NRG1: variants seen among roughly 807,000 people sequenced by gnomAD.
NRG1 encodes the protein neuregulin 1.
A neutral mutation model predicts 63.8 loss-of-function variants in NRG1; 18 were observed. That is an observed-to-expected ratio of 0.28 (90% CI 0.19 to 0.42). The LOEUF (loss-of-function observed/expected upper bound fraction) is 0.42. NRG1 is among the 10% of genes least tolerant of loss of function. The pLI, the probability that NRG1 is intolerant of heterozygous loss-of-function variation, is 1.00. For synonymous variants in NRG1, 302 were observed against 301.3 expected (o/e 1.00, Z -0.02); for missense variants, 762 against 814.7 (o/e 0.94, Z 0.79).
intron 1 of NRG1, among the ~76,000 whole-genome samples, chr8:32,380,709 A>G (rs1810242383): frequency 6.6e-6 from 1 of 152,200 alleles, no homozygotes; most frequent in South Asian, 2.1e-4. Context: ...CTCAATCAGT[A>G]TGCCCTATTG....
intron 1 of NRG1, among the ~76,000 whole-genome samples, chr8:31,880,655 A>G (rs950490719): frequency 2.0e-5 from 3 of 152,228 alleles, no homozygotes; most frequent in Non-Finnish European, 4.4e-5. Flanking sequence ...AACGTCATCC[A>G]CACAAAGTTA....
intron 5 of NRG1, among the ~76,000 whole-genome samples, chr8:32,671,910 A>G (rs1805742575): frequency 6.6e-6 from 1 of 152,184 alleles, no homozygotes; most frequent in Admixed American, 6.5e-5. Flanking sequence ...TTTTTGTGTT[A>G]CTTTTCCAAA....
intron 1 of NRG1, among the ~76,000 whole-genome samples, chr8:32,151,148 G>A (rs1011847358): frequency 5.9e-5 from 9 of 152,062 alleles, no homozygotes; most frequent in South Asian, 4.1e-4. Context: ...GAGGGGCACC[G>A]GATTCATGTA....
At chr8:32,671,898 C>T (rs1473307679) in intron 5 of NRG1, among the ~76,000 whole-genome samples, 2 of 152,100 alleles carry the variant, frequency 1.3e-5, no homozygotes, top group African/African-American at 4.8e-5. Context: ...AAAAAGTCTT[C>T]ATTTTTGTGT....
chr8:31,919,657 T>G (rs1028103967), intron 1 of NRG1, among the ~76,000 whole-genome samples: 2 of 152,098 alleles, frequency 1.3e-5, no homozygotes, highest in Non-Finnish European at 2.9e-5. Flanking sequence ...ATTCAACACA[T>G]CAGTTCACAA....
chr8:32,418,325 A>C (rs1816217340), intron 1 of NRG1, among the ~76,000 whole-genome samples: 1 of 151,890 alleles, frequency 6.6e-6, no homozygotes, highest in Non-Finnish European at 1.5e-5. Flanking sequence ...GTTAATTTTA[A>C]TAATATATTA....
At chr8:31,910,755 C>T (rs770854155) in intron 1 of NRG1, among the ~76,000 whole-genome samples, 22 of 151,832 alleles carry the variant, frequency 1.4e-4, no homozygotes, top group Non-Finnish European at 2.6e-4. Context: ...TTGAGAAATT[C>T]GAATTTTTAA....
intron 1 of NRG1, among the ~76,000 whole-genome samples, chr8:32,365,831 T>G (rs945631100): frequency 3.3e-5 from 5 of 152,216 alleles, no homozygotes; most frequent in Non-Finnish European, 7.3e-5. Flanking sequence ...TACTTAATTA[T>G]TCTAACAAAA....
intron 1 of NRG1, among the ~76,000 whole-genome samples, chr8:32,042,167 G>A (rs1042143873): frequency 6.6e-6 from 1 of 152,146 alleles, no homozygotes; most frequent in Non-Finnish European, 1.5e-5. Context: ...TTTAGAGACT[G>A]AGCATGGTAG....
rs1307077494 is a variant in NRG1 at position 31,640,270 on chromosome 8, G to A, written c.37+839G>A. The A allele has an allele frequency of 4.4e-6, 5 of 1,137,278 alleles. No individual in the cohort carries two copies. In the Admixed American group the frequency reaches 1.5e-4, roughly 33 times the overall value. 70.4% of individuals were successfully genotyped at this position (1,137,278 alleles called of 1,614,324 possible). On this transcript the variant is annotated intron_variant, in intron 1 of 10. Coordinates refer to the NRG1 transcript ENST00000519301. This position sits in a 1 kb window ranked among gnomAD's most constrained non-coding sequence, Gnocchi z 6.3. Reference sequence around the variant, plus strand: ...GCACCCGCAGCGGCGGCAGCAGGGGGCACTCGACAGGAAGGCGGCGGCGGC... The same window carrying A: ...GCACCCGCAGCGGCGGCAGCAGGGGACACTCGACAGGAAGGCGGCGGCGGC...
chr8:32,561,394 A>G (rs1385605570), intron 1 of NRG1, among the ~76,000 whole-genome samples: 1 of 152,192 alleles, frequency 6.6e-6, no homozygotes, highest in Non-Finnish European at 1.5e-5. Flanking sequence ...AGTAGCTTCA[A>G]TAAATTTTGA....
intron 7 of NRG1, chr8:32,743,259 T>C: frequency 1.0e-6 from 1 of 978,728 alleles, no homozygotes. Flanking sequence ...CCAAACAGTT[T>C]GCATTGAGGC....
At chr8:32,464,557 G>C (rs1000227638) in intron 1 of NRG1, among the ~76,000 whole-genome samples, 2 of 152,110 alleles carry the variant, frequency 1.3e-5, no homozygotes, top group African/African-American at 4.8e-5. Flanking sequence ...GTGAGAGCTT[G>C]TTTCATTTTT....
At chr8:32,236,141 G>GTGTGTGAA (rs1847530559) in intron 1 of NRG1, among the ~76,000 whole-genome samples, 1 of 151,606 alleles carries the variant, frequency 6.6e-6, no homozygotes, top group Non-Finnish European at 1.5e-5. Flanking sequence ...GTGTGTGTGT[G>GTGTGTGAA]TGTGTGAATG....
intron 1 of NRG1, among the ~76,000 whole-genome samples, chr8:31,748,944 G>A (rs1015309491): frequency 1.4e-4 from 22 of 151,788 alleles, no homozygotes; most frequent in Admixed American, 3.3e-4. Flanking sequence ...GAAATGCAAA[G>A]GTTTTTGCAT....
At chr8:31,809,741 G>GTTTTTT (rs753730069) in intron 1 of NRG1, among the ~76,000 whole-genome samples, 5 of 68,028 alleles carry the variant, frequency 7.3e-5, no homozygotes, top group Admixed American at 1.9e-4. Flanking sequence ...TCTATTAATT[G>GTTTTTT]TTTTTTTTTT....
chr8:32,452,324 G>T (rs1483912866), intron 1 of NRG1, among the ~76,000 whole-genome samples: 1 of 152,116 alleles, frequency 6.6e-6, no homozygotes. Flanking sequence ...GAGTGTTTTG[G>T]ACTGACTTTG....
chr8:32,263,737 GCCCCATATAAAT>G (rs761122164), intron 1 of NRG1, among the ~76,000 whole-genome samples: 12 of 152,188 alleles, frequency 7.9e-5, no homozygotes, highest in Non-Finnish European at 1.6e-4. Context: ...TCGTGGGTGG[GCCCCATATAAAT>G]CCCCACACTG....
intron 1 of NRG1, among the ~76,000 whole-genome samples, chr8:32,018,695 C>T (rs144614585): frequency 0.01 from 1,545 of 152,238 alleles, 30 homozygotes; most frequent in South Asian, 0.084. Context: ...TGATTCCAGC[C>T]AAGGGCTGTT....
Sources: gnomAD v4.1 joint callset for allele counts (sites outside exome capture counted in the v4.1 genomes callset) on GRCh38, gnomAD v4.1.1 for gene constraint, Gnocchi (gnomAD v3.1) non-coding constraint, MANE v1.5 for transcripts, NCBI Gene and HGNC (gene_info 2026-07-23, HGNC 2026-07-21) for gene names.